The following BMPER variants were observed in gnomAD, a reference collection of about 807,000 sequenced individuals.
BMPER encodes BMP-binding endothelial regulator protein.
Under a neutral mutation model 87.3 loss-of-function variants are expected in BMPER, and 45 were observed. That is an observed-to-expected ratio of 0.52 (90% CI 0.41 to 0.66). BMPER has a LOEUF of 0.66. Among genes scored for constraint, BMPER ranks in the 30% least tolerant of loss-of-function variants. The probability of loss-of-function intolerance (pLI) is 0.00; values close to 1 mark genes in which losing one functional copy is unlikely to be tolerated. For missense variants in BMPER, 784 were observed against 867.5 expected (o/e 0.90, Z 1.21); for synonymous variants, 326 against 316.2 (o/e 1.03, Z -0.33).
chr7:33,931,830 A>C (rs1784487775), intron 2 of BMPER, among the ~76,000 whole-genome samples: 1 of 152,194 alleles, frequency 6.6e-6, no homozygotes, highest in African/African-American at 2.4e-5. Context: ...TCAGATAATA[A>C]AAATTTGAGT....
chr7:33,958,113 G>A (rs979104328), intron 3 of BMPER, among the ~76,000 whole-genome samples: 1 of 152,120 alleles, frequency 6.6e-6, no homozygotes, highest in Non-Finnish European at 1.5e-5. Flanking sequence ...TTCTTAGGCT[G>A]CTACTATGCA....
At chr7:33,958,264 C>T (rs1785192913) in intron 3 of BMPER, among the ~76,000 whole-genome samples, 1 of 152,134 alleles carries the variant, frequency 6.6e-6, no homozygotes, top group Non-Finnish European at 1.5e-5. Context: ...GTGCCTATTG[C>T]TCAGGGCTGA....
At chr7:33,942,989 TTTG>T (rs1390667962) in intron 3 of BMPER, among the ~76,000 whole-genome samples, 1 of 152,174 alleles carries the variant, frequency 6.6e-6, no homozygotes, top group Non-Finnish European at 1.5e-5. Flanking sequence ...CCTCCCATGA[TTTG>T]TTGAAACTTT....
intron 2 of BMPER, among the ~76,000 whole-genome samples, chr7:33,912,725 C>G (rs945025489): frequency 1.3e-5 from 2 of 152,128 alleles, no homozygotes; most frequent in Non-Finnish European, 2.9e-5. Context: ...ATGAGTAACA[C>G]CACCTTTCAT....
At chr7:33,990,087 T>A (rs1008597634) in intron 6 of BMPER, among the ~76,000 whole-genome samples, 6 of 151,618 alleles carry the variant, frequency 4.0e-5, no homozygotes, top group African/African-American at 1.5e-4. Context: ...TAGGATTGAC[T>A]TGGCGATGCA....
intron 6 of BMPER, 97 bp from the exon 7 acceptor site, chr7:34,046,209 C>T: frequency 8.6e-7 from 1 of 1,169,170 alleles, no homozygotes; most frequent in Non-Finnish European, 1.3e-6. Flanking sequence ...GGACCTAATA[C>T]TATGGAAGGG....
chr7:34,139,526 C>T (rs1790809135), intron 13 of BMPER, among the ~76,000 whole-genome samples: 1 of 152,176 alleles, frequency 6.6e-6, no homozygotes, highest in Non-Finnish European at 1.5e-5. Context: ...CTTTGGGTTT[C>T]TATTGTAACA....
At chr7:34,037,849 A>G (rs1356992607) in intron 6 of BMPER, among the ~76,000 whole-genome samples, 4 of 152,196 alleles carry the variant, frequency 2.6e-5, no homozygotes, top group Non-Finnish European at 5.9e-5. Context: ...GAAGAAGAAA[A>G]AATAAGTGGA....
intron 5 of BMPER, among the ~76,000 whole-genome samples, chr7:33,973,341 C>T (rs1054242843): frequency 5.9e-5 from 9 of 152,150 alleles, no homozygotes; most frequent in African/African-American, 2.2e-4. Context: ...CTAGGAGGGC[C>T]CCACACTTAC....
chr7:34,108,646 G>T (rs1209466767), intron 13 of BMPER, among the ~76,000 whole-genome samples: 1 of 152,170 alleles, frequency 6.6e-6, no homozygotes, highest in African/African-American at 2.4e-5. Context: ...TGAGAATGGA[G>T]AAAATGAAAC....
At chr7:33,915,218 C>T (rs1784063267) in intron 2 of BMPER, among the ~76,000 whole-genome samples, 2 of 152,066 alleles carry the variant, frequency 1.3e-5, no homozygotes, top group South Asian at 2.1e-4. Context: ...TTTTTGCAAA[C>T]GTCATTGGAA....
chr7:34,008,787 G>A (rs540532808), intron 6 of BMPER, among the ~76,000 whole-genome samples: 1 of 151,778 alleles, frequency 6.6e-6, no homozygotes, highest in Non-Finnish European at 1.5e-5. Context: ...ATAGCATCTT[G>A]TTAGGGAAGT....
intron 6 of BMPER, among the ~76,000 whole-genome samples, chr7:34,003,980 C>G (rs915533908): frequency 6.6e-6 from 1 of 152,038 alleles, no homozygotes; most frequent in Non-Finnish European, 1.5e-5. Context: ...TATTATTCTT[C>G]AAATATTCAT....
At chr7:34,021,589 C>T (rs1562693587) in intron 6 of BMPER, among the ~76,000 whole-genome samples, 1 of 151,906 alleles carries the variant, frequency 6.6e-6, no homozygotes, top group East Asian at 1.9e-4. Flanking sequence ...AAGTCTGGCT[C>T]CAAAGTAAAT....
rs535516214 is a variant in BMPER at position 33,934,516 on chromosome 7, A to C, written c.220-2773A>C. Reference sequence around the variant, plus strand: ...GTTTAGGTTTGTTCTATGTGTGTGTACAAAAAAAAAAAAAAAAAAATCCAG... The same window carrying C: ...GTTTAGGTTTGTTCTATGTGTGTGTCCAAAAAAAAAAAAAAAAAAATCCAG... On this transcript the variant is annotated intron_variant, in intron 2 of 14. Transcript: ENST00000649409. 1.5e-4 allele frequency among the ~76,000 whole-genome samples: 21 copies of C among 141,930 alleles called. 1 individual carries two copies. The South Asian group carries it at 4.6e-3, about 31-fold the overall frequency. The allele number at this position is 141,930 out of a possible 152,430, so 93.1% of individuals were successfully genotyped here.
At chr7:34,117,548 AT>A (rs1298937027) in intron 13 of BMPER, among the ~76,000 whole-genome samples, 1 of 152,218 alleles carries the variant, frequency 6.6e-6, no homozygotes, top group Non-Finnish European at 1.5e-5. Flanking sequence ...CCATAAAACC[AT>A]TATGCTCTCA....
chr7:34,061,948 C>CTTT (rs1202390621), intron 10 of BMPER, 54 bp from the exon 11 acceptor site: 4 of 917,790 alleles, frequency 4.4e-6, no homozygotes, highest in Non-Finnish European at 5.0e-6. Flanking sequence ...TCAGGAGACC[C>CTTT]TGTTTTTTTT....
chr7:33,970,243 C>G, intron 4 of BMPER, 86 bp from the exon 5 acceptor site: 1 of 1,354,840 alleles, frequency 7.4e-7, no homozygotes, highest in Non-Finnish European at 1.1e-6. Flanking sequence ...TGTGCTTGAG[C>G]ACTTCTCCTA....
At chr7:33,923,283 C>G (rs980397438) in intron 2 of BMPER, among the ~76,000 whole-genome samples, 2 of 152,166 alleles carry the variant, frequency 1.3e-5, no homozygotes, top group Non-Finnish European at 1.5e-5. Context: ...CTTTCCCTTT[C>G]TTTCTATTAC....
Sources: allele counts gnomAD v4.1 joint callset (sites outside exome capture counted in the v4.1 genomes callset), GRCh38; gene constraint gnomAD v4.1.1; transcripts MANE v1.5; gene names NCBI Gene and HGNC (gene_info 2026-07-23, HGNC 2026-07-21).